GABBR2: variants seen among roughly 807,000 people sequenced by gnomAD.
GABBR2 encodes the protein gamma-aminobutyric acid type B receptor subunit 2, also known as G-protein coupled receptor 51.
In GABBR2, 23 loss-of-function variants were observed where a neutral mutation model predicts 105.6. The ratio of observed to expected loss-of-function variants is 0.22; its 90% CI spans 0.16 to 0.31. GABBR2 has a LOEUF of 0.31. Ranked by LOEUF, GABBR2 falls within the 10% of genes least tolerant of loss-of-function variation. The pLI, the probability that GABBR2 is intolerant of heterozygous loss-of-function variation, is 1.00. For synonymous variants in GABBR2, 478 were observed against 499.7 expected (o/e 0.96, Z 0.58); for missense variants, 734 against 1,245.5 (o/e 0.59, Z 6.18).
intron 3 of GABBR2, among the ~76,000 whole-genome samples, chr9:98,525,812 G>C (rs139091568): frequency 2.4e-4 from 36 of 152,172 alleles, no homozygotes; most frequent in Middle Eastern, 3.4e-3. Flanking sequence ...TCCACAAATT[G>C]GAATATTATT....
intron 13 of GABBR2, among the ~76,000 whole-genome samples, chr9:98,316,300 C>T (rs1049732300): frequency 5.3e-5 from 8 of 152,092 alleles, no homozygotes; most frequent in African/African-American, 1.7e-4. Context: ...TACAGGCATG[C>T]GCCACCACGC....
At chr9:98,576,929 T>TGGATGGATGGATGGAA (rs1554718753) in intron 2 of GABBR2, among the ~76,000 whole-genome samples, 5 of 149,780 alleles carry the variant, frequency 3.3e-5, no homozygotes, top group African/African-American at 1.2e-4. Context: ...GATGGATGGA[T>TGGATGGATGGATGGAA]GGATGGATGG....
At chr9:98,656,420 T>A (rs952196481) in intron 1 of GABBR2, among the ~76,000 whole-genome samples, 1 of 117,698 alleles carries the variant, frequency 8.5e-6, no homozygotes, top group African/African-American at 2.8e-5. Flanking sequence ...CTTGTGTTGC[T>A]GTCTTATTAT....
intron 7 of GABBR2, among the ~76,000 whole-genome samples, chr9:98,442,630 T>C (rs1408701428): frequency 6.6e-6 from 1 of 152,196 alleles, no homozygotes; most frequent in African/African-American, 2.4e-5. Context: ...GTCAGTTTGC[T>C]TGGGCCATCA....
intron 4 of GABBR2, among the ~76,000 whole-genome samples, chr9:98,495,535 G>C (rs972105169): frequency 6.6e-6 from 1 of 152,146 alleles, no homozygotes; most frequent in African/African-American, 2.4e-5. Context: ...GGCATTCAAG[G>C]CTCCTGGGAA....
intron 1 of GABBR2, among the ~76,000 whole-genome samples, chr9:98,618,497 TCTCTC>T (rs1431004452): frequency 2.9e-5 from 4 of 139,080 alleles, no homozygotes; most frequent in Non-Finnish European, 6.3e-5. Flanking sequence ...TCTCTCTCTC[TCTCTC>T]TCTCTCTCTC....
At chr9:98,614,658 G>A (rs1564131344) in intron 1 of GABBR2, among the ~76,000 whole-genome samples, 1 of 152,164 alleles carries the variant, frequency 6.6e-6, no homozygotes, top group Non-Finnish European at 1.5e-5. Flanking sequence ...TTATGGACAT[G>A]TACATCTGCA....
chr9:98,457,532 T>G (rs1329611677), intron 6 of GABBR2, among the ~76,000 whole-genome samples: 2 of 152,212 alleles, frequency 1.3e-5, no homozygotes, highest in East Asian at 3.9e-4. Context: ...ATATGCCACT[T>G]GTAAACTCAT....
At chr9:98,407,205 T>C (rs1213403325) in intron 7 of GABBR2, among the ~76,000 whole-genome samples, 1 of 152,232 alleles carries the variant, frequency 6.6e-6, no homozygotes, top group African/African-American at 2.4e-5. Flanking sequence ...GTTATGCTTT[T>C]GTGTCATCAG....
intron 12 of GABBR2, among the ~76,000 whole-genome samples, chr9:98,369,886 G>A (rs1213602108): frequency 6.6e-6 from 1 of 152,142 alleles, no homozygotes; most frequent in African/African-American, 2.4e-5. Flanking sequence ...AGAGAAATGG[G>A]TGGACTGGGA....
In GABBR2 at chr9:98,371,509, G is replaced by T. The variant is rs1236948805; in HGVS notation, c.1725C>A (p.Thr575=). The part of the protein sequence containing the change: ...TTAFGAMFAK[T]WRVHAIFKNV... ...TTTTGAAGATGGCGTGGACTCTCCAGGTCTTTGCAAACATGGCCCCAAAAG... is the reference window on the plus strand; with the variant it reads ...TTTTGAAGATGGCGTGGACTCTCCATGTCTTTGCAAACATGGCCCCAAAAG... Residue 575 remains threonine, a synonymous_variant, in exon 12 of 19, where the codon ACC becomes ACA. Transcript: ENST00000259455. 6.2e-7 allele frequency: 1 copy of T among 1,611,562 alleles called. No individual in the cohort carries two copies. Among genetic ancestry groups the T allele is most frequent in the Admixed American group, 1.7e-5 (1 of 60,018 alleles).
At chr9:98,493,988 G>A (rs1255974012) in intron 4 of GABBR2, among the ~76,000 whole-genome samples, 1 of 152,172 alleles carries the variant, frequency 6.6e-6, no homozygotes, top group African/African-American at 2.4e-5. Flanking sequence ...GTTAGGTCAA[G>A]GTCATACTAG....
intron 13 of GABBR2, among the ~76,000 whole-genome samples, chr9:98,322,845 G>A (rs1187789180): frequency 1.3e-5 from 2 of 152,136 alleles, no homozygotes; most frequent in South Asian, 2.1e-4. Context: ...TTTTCGGGAG[G>A]ACTTAGTCTG....
At chr9:98,541,269 A>G (rs1027127700) in intron 3 of GABBR2, among the ~76,000 whole-genome samples, 1 of 152,248 alleles carries the variant, frequency 6.6e-6, no homozygotes, top group Non-Finnish European at 1.5e-5. Context: ...CCCCTAAGTG[A>G]AAGCAGGAGT....
intron 1 of GABBR2, among the ~76,000 whole-genome samples, chr9:98,682,142 A>C (rs1412023065): frequency 1.3e-5 from 2 of 151,482 alleles, no homozygotes; most frequent in Non-Finnish European, 2.9e-5. Flanking sequence ...CAGGAGAATC[A>C]CTTGAACCCG....
At chr9:98,646,605 C>T (rs368429308) in intron 1 of GABBR2, among the ~76,000 whole-genome samples, 3 of 152,288 alleles carry the variant, frequency 2.0e-5, no homozygotes, top group African/African-American at 7.2e-5. Flanking sequence ...GGGACTCCAA[C>T]GCATCTTCAA....
chr9:98,624,627 G>A (rs1426778917), intron 1 of GABBR2, among the ~76,000 whole-genome samples: 1 of 151,778 alleles, frequency 6.6e-6, no homozygotes, highest in Admixed American at 6.6e-5. Flanking sequence ...GCTGCTGGTA[G>A]CAGCCAAGGA....
At chr9:98,566,798 C>CAAAAAAAAAAAAAA (rs55752458) in intron 2 of GABBR2, among the ~76,000 whole-genome samples, 2 of 88,204 alleles carry the variant, frequency 2.3e-5, no homozygotes, top group Admixed American at 1.3e-4. Flanking sequence ...AAGACACTGT[C>CAAAAAAAAAAAAAA]AAAAAAAAAA....
At chr9:98,536,655 A>G (rs370790851) in intron 3 of GABBR2, among the ~76,000 whole-genome samples, 29 of 151,930 alleles carry the variant, frequency 1.9e-4, no homozygotes, top group South Asian at 1.0e-3. Flanking sequence ...CCATGCCACA[A>G]TGGGTCTTCA....
Sources: gnomAD v4.1 joint callset for allele counts (sites outside exome capture counted in the v4.1 genomes callset) on GRCh38, gnomAD v4.1.1 for gene constraint, MANE v1.5 for transcripts, NCBI Gene and HGNC (gene_info 2026-07-23, HGNC 2026-07-21) for gene names.